CDYL2: variants seen among roughly 807,000 people sequenced by gnomAD.
CDYL2 encodes chromodomain Y like 2.
A neutral mutation model predicts 49.4 loss-of-function variants in CDYL2; 23 were observed. The ratio of observed to expected loss-of-function variants is 0.47; its 90% CI spans 0.34 to 0.66. The LOEUF (loss-of-function observed/expected upper bound fraction) is 0.66. CDYL2 is among the 30% of genes least tolerant of loss of function. CDYL2 has a pLI of 0.01. For synonymous variants in CDYL2, 360 were observed against 268.8 expected, an observed-to-expected ratio of 1.34 and a Z score of -3.32; for missense variants, 678 against 656.4, an observed-to-expected ratio of 1.03 and a Z score of -0.36.
intron 2 of CDYL2, among the ~76,000 whole-genome samples, chr16:80,663,829 G>C (rs1340443751): frequency 6.6e-6 from 1 of 152,160 alleles, no homozygotes; most frequent in African/African-American, 2.4e-5. Flanking sequence ...CTGAGCTCAG[G>C]CAATCCACCA....
intron 1 of CDYL2, among the ~76,000 whole-genome samples, chr16:80,708,468 T>G (rs1283720635): frequency 6.6e-6 from 1 of 152,202 alleles, no homozygotes; most frequent in African/African-American, 2.4e-5. Context: ...GTGAGGCCAT[T>G]AAACCTCTTT....
rs1045300700 is a variant in CDYL2, at chr16:80,604,146, C to T, written c.*242G>A. On this transcript the variant is annotated 3_prime_UTR_variant, in exon 7 of 7. Coordinates refer to ENST00000570137, the MANE Select transcript of CDYL2 (RefSeq NM_152342.4). ...TGCTTGGCGGAGCCCTGGGAAGATA[C>T]AGCCTTGGACAGCTCTCTGGCCAGG... 3 of 539,478 alleles carry T rather than the reference C, an allele frequency of 5.6e-6. No individual in the cohort carries two copies. The highest frequency in any genetic ancestry group is 3.1e-5 in the East Asian group (1 of 32,020). 33.4% of individuals were successfully genotyped at this position (539,478 alleles called of 1,614,324 possible). A position where few individuals can be genotyped will look rare whatever the true frequency, so the allele number is the denominator to read the frequency against.
intron 3 of CDYL2, among the ~76,000 whole-genome samples, chr16:80,625,401 T>C (rs554997834): frequency 1.3e-5 from 2 of 152,348 alleles, no homozygotes; most frequent in African/African-American, 4.8e-5. Flanking sequence ...AAGACCCTTG[T>C]GATTACATTG....
At chr16:80,717,434 T>C (rs1904848991) in intron 1 of CDYL2, among the ~76,000 whole-genome samples, 1 of 152,136 alleles carries the variant, frequency 6.6e-6, no homozygotes, top group Admixed American at 6.5e-5. Flanking sequence ...AAAGACAACA[T>C]ACTGAACACA....
At chr16:80,795,001 T>C (rs1051261934) in intron 1 of CDYL2, among the ~76,000 whole-genome samples, 21 of 152,206 alleles carry the variant, frequency 1.4e-4, no homozygotes, top group Admixed American at 9.8e-4. Flanking sequence ...AAAATTTGAC[T>C]GATGGATCAT....
At chr16:80,782,201 A>G (rs1907291929) in intron 1 of CDYL2, among the ~76,000 whole-genome samples, 1 of 151,970 alleles carries the variant, frequency 6.6e-6, no homozygotes, top group African/African-American at 2.4e-5. Context: ...AAATAAAAAG[A>G]ATTATTTTAA....
chr16:80,653,079 T>C (rs74378470), intron 2 of CDYL2, among the ~76,000 whole-genome samples: 1,928 of 152,302 alleles, frequency 0.013, 35 homozygotes, highest in East Asian at 0.037. Context: ...ATCATACTAA[T>C]GTAAGATGTT....
At chr16:80,719,287 G>A (rs933296112) in intron 1 of CDYL2, among the ~76,000 whole-genome samples, 3 of 152,118 alleles carry the variant, frequency 2.0e-5, no homozygotes, top group Non-Finnish European at 2.9e-5. Context: ...GCTGGGAGCA[G>A]GAATCTGTGT....
chr16:80,664,599 G>C (rs553916882), intron 2 of CDYL2, among the ~76,000 whole-genome samples: 3 of 152,270 alleles, frequency 2.0e-5, no homozygotes, highest in South Asian at 4.1e-4. Context: ...TGAACTGTAG[G>C]GGAGAAAATG....
At chr16:80,670,560 A>G (rs866561705) in intron 2 of CDYL2, among the ~76,000 whole-genome samples, 17 of 152,082 alleles carry the variant, frequency 1.1e-4, no homozygotes, top group African/African-American at 3.6e-4. Flanking sequence ...GGACTAATAC[A>G]AGCAGCTACT....
At chr16:80,791,730 T>A (rs2142415824) in intron 1 of CDYL2, among the ~76,000 whole-genome samples, 1 of 152,284 alleles carries the variant, frequency 6.6e-6, no homozygotes, top group African/African-American at 2.4e-5. Flanking sequence ...TTTCTCTGGA[T>A]TGAATACATG....
chr16:80,739,484 G>A (rs1040473635), intron 1 of CDYL2, among the ~76,000 whole-genome samples: 1 of 152,228 alleles, frequency 6.6e-6, no homozygotes, highest in Admixed American at 6.5e-5. Context: ...AGAAATGTCA[G>A]TGGGAAGGAG....
chr16:80,728,129 G>T (rs1230890136), intron 1 of CDYL2, among the ~76,000 whole-genome samples: 1 of 152,170 alleles, frequency 6.6e-6, no homozygotes, highest in East Asian at 1.9e-4. Context: ...AGAGAAGAAG[G>T]CTTCAGACGA....
At chr16:80,694,635 T>A (rs1376229890) in intron 1 of CDYL2, among the ~76,000 whole-genome samples, 1 of 152,176 alleles carries the variant, frequency 6.6e-6, no homozygotes, top group African/African-American at 2.4e-5. Flanking sequence ...TATGTATACA[T>A]GAGTTAGAGC....
At chr16:80,704,877 CCCTGATCTCAT>C (rs1904349979) in intron 1 of CDYL2, among the ~76,000 whole-genome samples, 1 of 152,144 alleles carries the variant, frequency 6.6e-6, no homozygotes, top group Non-Finnish European at 1.5e-5. Flanking sequence ...AAGTTAAGAA[CCCTGATCTCAT>C]CCTGATCCTA....
At chr16:80,685,189 G>C (rs8047798) in intron 1 of CDYL2, 60 bp from the exon 2 acceptor site, 795,903 of 1,355,006 alleles carry the variant, frequency 0.59, 239,565 homozygotes, top group Middle Eastern at 0.68. Flanking sequence ...AACTCAGTTC[G>C]AGGCAACAAG....
intron 1 of CDYL2, among the ~76,000 whole-genome samples, chr16:80,774,722 T>C (rs559731245): frequency 6.3e-4 from 96 of 152,184 alleles, no homozygotes; most frequent in African/African-American, 2.1e-3. Flanking sequence ...AGGATATTAT[T>C]TGGGGCAAAT....
intron 1 of CDYL2, among the ~76,000 whole-genome samples, chr16:80,801,209 T>C (rs934508018): frequency 2.6e-5 from 4 of 152,178 alleles, no homozygotes; most frequent in African/African-American, 9.7e-5. Flanking sequence ...ATCACCTTCC[T>C]ATAAGTGATG....
chr16:80,761,368 C>G (rs565003556), intron 1 of CDYL2, among the ~76,000 whole-genome samples: 1 of 152,200 alleles, frequency 6.6e-6, no homozygotes, highest in East Asian at 1.9e-4. Flanking sequence ...TTGGGTTCAT[C>G]GAAGTATGCG....
Sources: allele counts gnomAD v4.1 joint callset (sites outside exome capture counted in the v4.1 genomes callset), GRCh38; gene constraint gnomAD v4.1.1; transcripts MANE v1.5; gene names NCBI Gene and HGNC (gene_info 2026-07-23, HGNC 2026-07-21).